Variants in C1D observed in about 807,000 individuals in gnomAD.
C1D encodes the protein C1D nuclear receptor corepressor, also known as nuclear nucleic acid-binding protein C1D.
A neutral mutation model predicts 17.5 loss-of-function variants in C1D; 10 were observed. The observed-to-expected ratio is 0.57, with a 90% CI of 0.35 to 0.97. C1D has a LOEUF of 0.97. Ranked by LOEUF, C1D falls within the 50% of genes least tolerant of loss-of-function variation. C1D has a pLI of 0.01. For synonymous variants in C1D, 49 were observed against 54.0 expected (o/e 0.91, Z 0.40); for missense variants, 136 against 160.1 (o/e 0.85, Z 0.81).
chr2:68,061,786 T>A (rs548181589), intron 1 of C1D, among the ~76,000 whole-genome samples: 3 of 152,198 alleles, frequency 2.0e-5, no homozygotes, highest in Non-Finnish European at 4.4e-5. Flanking sequence ...ATAATACATA[T>A]GAAGAGCCAT....
At chr2:68,052,915 A>G in intron 1 of C1D, 1 of 1,106,162 alleles carries the variant, frequency 9.0e-7, no homozygotes. Flanking sequence ...CTTGAATAGC[A>G]CTGATTATGT....
chr2:68,052,112 T>A (rs1288585219), intron 1 of C1D, among the ~76,000 whole-genome samples: 3 of 151,838 alleles, frequency 2.0e-5, no homozygotes, highest in African/African-American at 7.3e-5. Context: ...AAGAAGTAAA[T>A]CTATATATAG....
At chr2:68,050,962 T>A (rs893608001) in intron 1 of C1D, among the ~76,000 whole-genome samples, 4 of 152,210 alleles carry the variant, frequency 2.6e-5, no homozygotes. Context: ...GATCCTTGAC[T>A]ACTCTCTCTC....
intron 1 of C1D, among the ~76,000 whole-genome samples, chr2:68,052,522 T>G (rs1671319678): frequency 6.6e-6 from 1 of 152,208 alleles, no homozygotes; most frequent in Non-Finnish European, 1.5e-5. Context: ...TTTCCTTTCT[T>G]CAGAAGAACA....
intron 1 of C1D, among the ~76,000 whole-genome samples, chr2:68,055,530 T>C (rs980319533): frequency 6.6e-6 from 1 of 151,626 alleles, no homozygotes; most frequent in South Asian, 2.1e-4. Context: ...TTAAGAGATG[T>C]AACAACCAAA....
At chr2:68,060,774 T>C (rs1024219014) in intron 1 of C1D, among the ~76,000 whole-genome samples, 7 of 152,158 alleles carry the variant, frequency 4.6e-5, no homozygotes, top group African/African-American at 1.7e-4. Flanking sequence ...ATCATGTCAC[T>C]CCTCTCCTCC....
At chr2:68,054,770 G>A (rs1303676759) in intron 1 of C1D, among the ~76,000 whole-genome samples, 1 of 151,546 alleles carries the variant, frequency 6.6e-6, no homozygotes, top group Non-Finnish European at 1.5e-5. Context: ...GATCAACCTG[G>A]GAAACACAGA....
At chr2:68,047,102 T>G in intron 2 of C1D, 71 bp downstream of exon 2, 3 of 1,394,416 alleles carry the variant, frequency 2.2e-6, no homozygotes, top group Non-Finnish European at 2.0e-6. Context: ...CTGTTTCTTC[T>G]TCCACATGTT....
At chr2:68,060,047 CT>C (rs949424696) in intron 1 of C1D, among the ~76,000 whole-genome samples, 3 of 152,214 alleles carry the variant, frequency 2.0e-5, no homozygotes, top group Non-Finnish European at 4.4e-5. Context: ...AAACCTGCCC[CT>C]CCCACAGTTT....
chr2:68,045,069 T>TC (rs1005551887), intron 4 of C1D, among the ~76,000 whole-genome samples: 4 of 151,912 alleles, frequency 2.6e-5, no homozygotes, highest in African/African-American at 4.8e-5. Context: ...AAATTTATTT[T>TC]CCCCCCCAAG....
Position 68,044,053 on chromosome 2 carries a change from T to G in C1D, c.262-1000A>C, listed in dbSNP as rs528926905. On this transcript the variant is annotated intron_variant, in intron 4 of 4. Transcript: ENST00000410067. ...CTCTTCCTTCCAGTCTACTCAAATG[T>G]TAACCTTGTCATTGAGGCCCTGACT... Among the ~76,000 whole-genome samples, 9 of 152,340 alleles carry G rather than the reference T, an allele frequency of 5.9e-5. No individual in the cohort carries two copies. In the East Asian group the frequency reaches 1.7e-3, roughly 29 times the overall value.
chr2:68,044,475 G>A (rs892097333), intron 4 of C1D, among the ~76,000 whole-genome samples: 2 of 152,206 alleles, frequency 1.3e-5, no homozygotes, highest in South Asian at 2.1e-4. Context: ...TCGGGAGGCC[G>A]AGGCGGGCAG....
chr2:68,062,504 T>C (rs1166000253), intron 1 of C1D, among the ~76,000 whole-genome samples: 1 of 152,184 alleles, frequency 6.6e-6, no homozygotes, highest in Admixed American at 6.5e-5. Flanking sequence ...CAGCAGGCAG[T>C]CTGTGAATGT....
chr2:68,046,487 A>G (rs901610192), intron 2 of C1D, 77 bp from the exon 3 acceptor site: 26 of 1,001,606 alleles, frequency 2.6e-5, no homozygotes, highest in Non-Finnish European at 1.7e-5. Context: ...ACACCATCTG[A>G]TAACATTTGA....
chr2:68,056,589 A>G (rs1671445282), intron 1 of C1D, among the ~76,000 whole-genome samples: 1 of 152,210 alleles, frequency 6.6e-6, no homozygotes, highest in Non-Finnish European at 1.5e-5. Context: ...CAAAAAAAGT[A>G]CACACAACCC....
chr2:68,048,061 T>C (rs1445895702), intron 1 of C1D, among the ~76,000 whole-genome samples: 1 of 152,098 alleles, frequency 6.6e-6, no homozygotes, highest in African/African-American at 2.4e-5. Flanking sequence ...TTCTTTAAAA[T>C]ATTAATAAGA....
At chr2:68,057,671 TAA>T (rs1246303460) in intron 1 of C1D, among the ~76,000 whole-genome samples, 13 of 152,336 alleles carry the variant, frequency 8.5e-5, no homozygotes, top group South Asian at 8.3e-4. Flanking sequence ...TAATAATACT[TAA>T]GTTTATAAAT....
At chr2:68,053,065 C>T in intron 1 of C1D, 1 of 1,550,562 alleles carries the variant, frequency 6.4e-7, no homozygotes. Context: ...ACTCACCCAG[C>T]TCTGCTCCTC....
chr2:68,051,780 G>A (rs1671290248), intron 1 of C1D, among the ~76,000 whole-genome samples: 1 of 151,780 alleles, frequency 6.6e-6, no homozygotes, highest in Non-Finnish European at 1.5e-5. Context: ...CCACTCAAAT[G>A]TCATCTATTG....
Sources: gnomAD v4.1 joint callset for allele counts (sites outside exome capture counted in the v4.1 genomes callset) on GRCh38, gnomAD v4.1.1 for gene constraint, MANE v1.5 for transcripts, NCBI Gene and HGNC (gene_info 2026-07-23, HGNC 2026-07-21) for gene names.